Variants in MUC5AC observed in about 807,000 individuals in gnomAD.
MUC5AC encodes the protein mucin-5AC.
MUC5AC carries 158 observed loss-of-function variants against 169.7 expected under a neutral mutation model. That is an observed-to-expected ratio of 0.93 (90% CI 0.82 to 1.06). MUC5AC has a LOEUF of 1.06. MUC5AC is among the 50% of genes least tolerant of loss of function. The pLI, the probability that MUC5AC is intolerant of heterozygous loss-of-function variation, is 0.00. For missense variants in MUC5AC, 4,359 were observed against 3,089.9 expected (o/e 1.41, Z -9.74); for synonymous variants, 1,975 against 1,237.0 (o/e 1.60, Z -12.52).
In MUC5AC at chr11:1,191,140, C is replaced by T; in HGVS notation, c.12995C>T (p.Ala4332Val). 2 of 698,918 alleles carry T rather than the reference C, an allele frequency of 2.9e-6. No individual in the cohort carries two copies. Among genetic ancestry groups the T allele is most frequent in the Non-Finnish European group, 5.3e-6 (2 of 378,490 alleles). 43.3% of individuals were successfully genotyped at this position (698,918 alleles called of 1,614,324 possible). A position where few individuals can be genotyped will look rare whatever the true frequency, so the allele number is the denominator to read the frequency against. Residue 4332 changes from alanine (A) to valine (V), a missense_variant, in exon 31 of 49, where the codon GCT (alanine) becomes GTT (valine). Coordinates refer to ENST00000621226, the MANE Select transcript of MUC5AC (RefSeq NM_001304359.2). Reference protein sequence around the residue: ...SPVPTTSTTSAPITSTTSGPG... With the variant: ...SPVPTTSTTSVPITSTTSGPG... ...GTTCCCACCACCAGCACAACCTCTG[C>T]TCCTATAACCAGCACAACCTCTGGT...
Position 1,165,388 on chromosome 11 carries a change from G to A in MUC5AC, c.1216G>A (p.Gly406Arg), listed in dbSNP as rs773521372. The A allele has an allele frequency of 6.2e-7, 1 of 1,612,422 alleles. No homozygotes were observed. The highest frequency in any genetic ancestry group is 8.5e-7 in the Non-Finnish European group (1 of 1,179,694). ...CTACAACGGGGCTGCCTATGCCCCA[G>A]GGGCCACCTACTCCACAGACTGCAC... Reference protein sequence around the residue: ...CVYNGAAYAPGATYSTDCTNC... With the variant: ...CVYNGAAYAPRATYSTDCTNC... The change falls in exon 10 of 49, where the codon GGG becomes AGG. Residue 406 changes from glycine to arginine, a missense_variant. Coordinates refer to ENST00000621226, the MANE Select transcript of MUC5AC (RefSeq NM_001304359.2).
In MUC5AC at chr11:1,189,703, C is replaced by A; in HGVS notation, c.11558C>A (p.Thr3853Asn). 1.7e-6 allele frequency: 1 copy of A among 584,958 alleles called. No individual in the cohort carries two copies. 36.2% of individuals were successfully genotyped at this position (584,958 alleles called of 1,614,324 possible). Residue 3853 changes from threonine to asparagine, a missense_variant, in exon 31 of 49, where the codon ACC becomes AAC. Physicochemically the swap from Thr to Asn is moderately conservative, Grantham distance 65. Coordinates refer to ENST00000621226, the MANE Select transcript of MUC5AC (RefSeq NM_001304359.2). Reference sequence around the variant, plus strand: ...ACCAGCACAACCTCCACTCCACAGACCAGCATATCCTCTGCCCCTACAAGC... The same window carrying A: ...ACCAGCACAACCTCCACTCCACAGAACAGCATATCCTCTGCCCCTACAAGC... The part of the protein sequence containing the change: ...PTTSTTSTPQ[T>N]SISSAPTSST...
At chr11:1,176,370 C>T (rs1034206251) in intron 20 of MUC5AC, 119 bp downstream of exon 20, 15 of 398,584 alleles carry the variant, frequency 3.8e-5, no homozygotes, top group Non-Finnish European at 5.3e-5. Context: ...GGCTGCCCCA[C>T]GTCCCAGAGG....
chr11:1,165,513 G>A, intron 10 of MUC5AC, 94 bp downstream of exon 10: 2 of 1,581,942 alleles, frequency 1.3e-6, no homozygotes, highest in Non-Finnish European at 1.7e-6. Context: ...CCTCGTCTGG[G>A]CTACGGTGTA....
rs940380672 is a variant in MUC5AC, at chr11:1,182,515, G to A, written c.4370G>A (p.Arg1457His). The A allele has an allele frequency of 1.5e-5, 6 of 398,564 alleles. No homozygotes were observed. The highest frequency in any genetic ancestry group is 4.4e-5 in the Admixed American group (1 of 22,714). The allele number at this position is 398,564 out of a possible 1,614,324, so 24.7% of individuals were successfully genotyped here. A position where few individuals can be genotyped will look rare whatever the true frequency, so the allele number is the denominator to read the frequency against. Residue 1457 changes from arginine (R) to histidine (H), a missense_variant, in exon 31 of 49, where the codon CGT becomes CAT. Arg to His is a conservative substitution (Grantham distance 29). Transcript: ENST00000621226. ...QCSPDVGLTC[R>H]NREQASGLCY... The stretch of plus-strand genomic sequence containing the variant: ...AGCCCGGATGTGGGGCTGACCTGTC[G>A]TAACAGGGAGCAGGCATCGGGGCTC...
intron 9 of MUC5AC, 145 bp from the exon 10 acceptor site, chr11:1,165,157 C>A (rs1432933835): frequency 5.3e-5 from 39 of 737,378 alleles, no homozygotes; most frequent in Non-Finnish European, 7.4e-5. Context: ...TGTCCCGGGC[C>A]CCTGAGGCTG....
chr11:1,195,852 G>A (rs1482756532), intron 36 of MUC5AC, 24 bp from the exon 37 acceptor site: 2 of 761,046 alleles, frequency 2.6e-6, no homozygotes, highest in African/African-American at 3.4e-5. Flanking sequence ...GCTGCACCCA[G>A]CACCCTGCCC....
rs1375908728 is a variant in MUC5AC, at chr11:1,187,508, A to G, written c.9363A>G (p.Gly3121=). 1 of 742,260 alleles carries G rather than the reference A, an allele frequency of 1.3e-6. No homozygotes were observed. 46.0% of individuals were successfully genotyped at this position (742,260 alleles called of 1,614,324 possible). A position where few individuals can be genotyped will look rare whatever the true frequency, so the allele number is the denominator to read the frequency against. Residue 3121 remains glycine (G), a synonymous_variant, in exon 31 of 49, where the codon GGA becomes GGG. Transcript: ENST00000621226. ...ASTASKTSGL[G]TTPSPIPTTS... ...CAGCCAGCAAAACCTCTGGTCTTGG[A>G]ACTACTCCCAGCCCTATTCCTACCA... is the stretch of plus-strand genomic sequence containing the variant.
intron 17 of MUC5AC, 129 bp from the exon 18 acceptor site, chr11:1,174,753 G>T (rs1172043621): frequency 1.8e-5 from 9 of 490,840 alleles, no homozygotes; most frequent in Non-Finnish European, 3.3e-5. Flanking sequence ...GAGCGCCCAG[G>T]TCAGTGTGGC....
intron 30 of MUC5AC, among the ~76,000 whole-genome samples, chr11:1,181,739 CAG>C (rs1441376558): frequency 6.6e-6 from 1 of 152,210 alleles, no homozygotes; most frequent in Non-Finnish European, 1.5e-5. Flanking sequence ...ATTGGGGTGT[CAG>C]GGGTCTGGCA....
At chr11:1,176,094 T>C (rs1860679480) in intron 19 of MUC5AC, 57 bp from the exon 20 acceptor site, 1 of 272,224 alleles carries the variant, frequency 3.7e-6, no homozygotes. Flanking sequence ...CCTGAACACA[T>C]GTTTGAGGCA....
rs1341932013 is a variant in MUC5AC, at chr11:1,199,080, C to T, written c.16297-7C>T. On this transcript the variant is annotated splice_polypyrimidine_tract_variant and splice_region_variant and intron_variant, in intron 44 of 48. Transcript: ENST00000621226. ...GGATTCCAGCCACATGTCCATCCCTCCCGCAGGGCTTCGAGTACCAGGAGC... is the reference window on the plus strand; with the variant it reads ...GGATTCCAGCCACATGTCCATCCCTTCCGCAGGGCTTCGAGTACCAGGAGC... The T allele has an allele frequency of 1.3e-6, 1 of 764,176 alleles. No individual in the cohort carries two copies. 47.3% of individuals were successfully genotyped at this position (764,176 alleles called of 1,614,324 possible).
In MUC5AC at chr11:1,184,608, C is replaced by T. The variant is rs1476244809; in HGVS notation, c.6463C>T (p.Arg2155Cys). Residue 2155 changes from arginine (R) to cysteine (C), a missense_variant, in exon 31 of 49, where the codon CGC (arginine) becomes TGC (cysteine). By Grantham distance (180) the Arg-to-Cys change is radical. Coordinates refer to ENST00000621226, the MANE Select transcript of MUC5AC (RefSeq NM_001304359.2). ...NIIRSGEKIC[R>C]RPEEITRLQC... ...CATCAGGAGTGGGGAAAAAATCTGCCGCCGACCTGAGGAGATCACCAGGCT... is the reference window on the plus strand; with the variant it reads ...CATCAGGAGTGGGGAAAAAATCTGCTGCCGACCTGAGGAGATCACCAGGCT... The T allele has an allele frequency of 2.4e-5, 15 of 620,702 alleles. No homozygotes were observed. The highest frequency in any genetic ancestry group is 5.3e-5 in the East Asian group (2 of 37,938). The allele number at this position is 620,702 out of a possible 1,614,324, so 38.4% of individuals were successfully genotyped here. A position where few individuals can be genotyped will look rare whatever the true frequency, so the allele number is the denominator to read the frequency against.
At chr11:1,168,582 G>C (rs570561230) in intron 13 of MUC5AC, 30 bp downstream of exon 13, 7 of 1,612,502 alleles carry the variant, frequency 4.3e-6, no homozygotes, top group Middle Eastern at 1.7e-4. Flanking sequence ...CCCCACCCCG[G>C]GGCTGCCTGG....
chr11:1,176,775 C>T, intron 21 of MUC5AC, 110 bp downstream of exon 21: 2 of 398,532 alleles, frequency 5.0e-6, no homozygotes, highest in Non-Finnish European at 8.8e-6. Flanking sequence ...ACGCAGGGCA[C>T]AGACTCAGGG....
chr11:1,179,312 C>T (rs979316511), intron 26 of MUC5AC, 64 bp downstream of exon 26: 6 of 462,442 alleles, frequency 1.3e-5, no homozygotes, highest in African/African-American at 2.6e-5. Flanking sequence ...CCACCACACT[C>T]GCCGCTGATG....
In MUC5AC at chr11:1,164,305, G is replaced by T; in HGVS notation, c.989G>T (p.Gly330Val). The change falls in exon 8 of 49, where the codon GGC becomes GTC. Residue 330 changes from glycine (G) to valine (V), a missense_variant. Coordinates refer to ENST00000621226, the MANE Select transcript of MUC5AC (RefSeq NM_001304359.2). ...GGGGGGTTGCCCCAGGACTGGCGGG[G>T]CCCTGACTTCTGCCGTGAGTGTCCC... ...HAGGLPQDWRGPDFCPQKCPN... is the reference protein window; with the variant it reads ...HAGGLPQDWRVPDFCPQKCPN... 1 of 1,612,196 alleles carries T rather than the reference G, an allele frequency of 6.2e-7. No individual in the cohort carries two copies. The highest frequency in any genetic ancestry group is 8.5e-7 in the Non-Finnish European group (1 of 1,179,850).
Position 1,195,001 on chromosome 11 carries a change from C to A in MUC5AC, c.15191-11C>A. The A allele has an allele frequency of 1.4e-6, 1 of 722,274 alleles. No individual in the cohort carries two copies. 44.7% of individuals were successfully genotyped at this position (722,274 alleles called of 1,614,324 possible). A position where few individuals can be genotyped will look rare whatever the true frequency, so the allele number is the denominator to read the frequency against. On this transcript the variant is annotated splice_polypyrimidine_tract_variant and intron_variant, in intron 35 of 48. Coordinates refer to ENST00000621226, the MANE Select transcript of MUC5AC (RefSeq NM_001304359.2). ...CTGTCCAGCAGCCTGACCCCCACCG[C>A]GTCTGCCCAGGCACTTGCACCAACG...
At chr11:1,176,090 C>T (rs1860679186) in intron 19 of MUC5AC, 61 bp from the exon 20 acceptor site, 1 of 380,858 alleles carries the variant, frequency 2.6e-6, no homozygotes, top group Non-Finnish European at 4.6e-6. Context: ...CCTCCCTGAA[C>T]ACATGTTTGA....
Sources: gnomAD v4.1 joint callset for allele counts (sites outside exome capture counted in the v4.1 genomes callset) on GRCh38, gnomAD v4.1.1 for gene constraint, MANE v1.5 for transcripts, NCBI Gene and HGNC (gene_info 2026-07-23, HGNC 2026-07-21) for gene names.